The following ARHGAP10 variants were observed in gnomAD, a reference collection of about 807,000 sequenced individuals.
The protein encoded by ARHGAP10 is Rho GTPase activating protein 10, also known as rho GTPase-activating protein 10.
Under a neutral mutation model 108.6 loss-of-function variants are expected in ARHGAP10, and 87 were observed. The observed-to-expected ratio is 0.80, with a 90% CI of 0.67 to 0.96. The LOEUF (loss-of-function observed/expected upper bound fraction) is 0.96, where lower values mean the gene tolerates loss of function less well. ARHGAP10 is among the 40% of genes least tolerant of loss of function. The pLI is 0.00. For missense variants in ARHGAP10, 939 were observed against 954.5 expected (o/e 0.98, Z 0.21); for synonymous variants, 347 against 341.1 (o/e 1.02, Z -0.19).
intron 3 of ARHGAP10, among the ~76,000 whole-genome samples, chr4:147,843,350 A>G (rs998857795): frequency 6.6e-6 from 1 of 151,994 alleles, no homozygotes; most frequent in Non-Finnish European, 1.5e-5. Flanking sequence ...CTCTCTCTCT[A>G]CTGCCCCACC....
chr4:147,881,957 T>G (rs1420360581), intron 10 of ARHGAP10, 25 bp downstream of exon 10: 6 of 1,598,584 alleles, frequency 3.8e-6, no homozygotes, highest in Non-Finnish European at 3.4e-6. Flanking sequence ...TTATTGGACA[T>G]GGTGAAAGAG....
chr4:148,046,813 A>G (rs1476671987), intron 19 of ARHGAP10, 79 bp from the exon 20 acceptor site: 2 of 1,386,954 alleles, frequency 1.4e-6, no homozygotes, highest in Non-Finnish European at 1.0e-6. Context: ...TGACTAATCA[A>G]GTAACACCAT....
chr4:147,990,897 T>C (rs1184797867), intron 18 of ARHGAP10, among the ~76,000 whole-genome samples: 17 of 151,976 alleles, frequency 1.1e-4, no homozygotes, highest in Admixed American at 1.1e-3. Flanking sequence ...ATACCTGTGG[T>C]CCCAGCTACT....
At chr4:148,027,861 A>G (rs369974815) in intron 19 of ARHGAP10, among the ~76,000 whole-genome samples, 71 of 152,268 alleles carry the variant, frequency 4.7e-4, no homozygotes, top group African/African-American at 1.6e-3. Flanking sequence ...TAGATTTTTA[A>G]TTCTAAACGA....
chr4:147,972,716 C>T (rs778718968), intron 18 of ARHGAP10, among the ~76,000 whole-genome samples: 3 of 151,516 alleles, frequency 2.0e-5, no homozygotes, highest in Non-Finnish European at 4.4e-5. Context: ...GATGTGAGCT[C>T]ATGAACCAGT....
chr4:147,823,611 G>A (rs767630953), intron 3 of ARHGAP10, among the ~76,000 whole-genome samples: 3 of 151,840 alleles, frequency 2.0e-5, no homozygotes, highest in African/African-American at 4.8e-5. Flanking sequence ...ACAAAAACTA[G>A]CCAGGCATGG....
At chr4:147,873,238 TG>T (rs1376379390) in intron 7 of ARHGAP10, among the ~76,000 whole-genome samples, 2 of 152,226 alleles carry the variant, frequency 1.3e-5, no homozygotes, top group East Asian at 3.9e-4. Flanking sequence ...AGGAACTGGT[TG>T]AAGAATCAAG....
chr4:148,046,792 T>C, intron 19 of ARHGAP10, 100 bp from the exon 20 acceptor site: 11 of 1,213,224 alleles, frequency 9.1e-6, no homozygotes, highest in Non-Finnish European at 1.3e-5. Flanking sequence ...AATGTAATTT[T>C]ATCATTTGAT....
At chr4:147,926,574 A>G (rs1246250104) in intron 13 of ARHGAP10, among the ~76,000 whole-genome samples, 1 of 152,212 alleles carries the variant, frequency 6.6e-6, no homozygotes, top group Admixed American at 6.5e-5. Flanking sequence ...TGTTATAAGA[A>G]ATAGAATGAA....
intron 3 of ARHGAP10, among the ~76,000 whole-genome samples, chr4:147,834,127 T>A (rs1579096496): frequency 6.6e-6 from 1 of 152,238 alleles, no homozygotes; most frequent in South Asian, 2.1e-4. Context: ...TCTCTTCCTT[T>A]TTCTTTCTAT....
At position 147,939,863 on chromosome 4, in the gene ARHGAP10, A is replaced by C; in HGVS notation, c.1267A>C (p.Ser423Arg). ...AGGATTGTACAGAGTTGTGGGGGTG[A>C]GTTCAAAGGTCCAGAGACTTCTGAG... ...DQGLYRVVGV[S>R]SKVQRLLSML... is the part of the protein sequence containing the mutation. The change falls in exon 14 of 23, where the codon AGT (serine) becomes CGT (arginine). Residue 423 changes from serine to arginine, a missense_variant. Ser to Arg is a moderately radical substitution (Grantham distance 110). Transcript: ENST00000336498. The C allele has an allele frequency of 6.2e-7, 1 of 1,614,056 alleles. No homozygotes were observed. The highest frequency in any genetic ancestry group is 8.5e-7 in the Non-Finnish European group (1 of 1,179,952).
At chr4:147,977,328 C>T (rs528107674) in intron 18 of ARHGAP10, among the ~76,000 whole-genome samples, 2 of 151,860 alleles carry the variant, frequency 1.3e-5, no homozygotes, top group Non-Finnish European at 2.9e-5. Flanking sequence ...AAGGCACCAT[C>T]AGGTGCCTTT....
chr4:148,064,525 C>T lies in ARHGAP10; in HGVS notation c.2272+18C>T. On this transcript the variant is annotated intron_variant, in intron 22 of 22. Coordinates refer to ENST00000336498, the MANE Select transcript of ARHGAP10 (RefSeq NM_024605.4). ...TGAGGATGGTAAGTGTTAGTGGGAG[C>T]TTCGTCTGTTAATCCTGTCCGCAGG... is the stretch of plus-strand genomic sequence containing the variant. The T allele has an allele frequency of 6.2e-7, 1 of 1,602,976 alleles. No homozygotes were observed. The highest frequency in any genetic ancestry group is 8.5e-7 in the Non-Finnish European group (1 of 1,170,008).
intron 18 of ARHGAP10, among the ~76,000 whole-genome samples, chr4:148,018,584 A>G (rs1292980622): frequency 1.3e-5 from 2 of 152,114 alleles, no homozygotes; most frequent in African/African-American, 2.4e-5. Flanking sequence ...AAAAAAAAAA[A>G]AAAGGCTTCA....
At chr4:148,056,983 C>A (rs1729392382) in intron 20 of ARHGAP10, among the ~76,000 whole-genome samples, 1 of 152,190 alleles carries the variant, frequency 6.6e-6, no homozygotes, top group South Asian at 2.1e-4. Context: ...GCCGATGAGT[C>A]ATGACTCTCT....
intron 1 of ARHGAP10, 32 bp downstream of exon 1, chr4:147,732,487 G>A (rs752673170): frequency 1.2e-5 from 19 of 1,605,366 alleles, no homozygotes; most frequent in East Asian, 6.8e-5. Flanking sequence ...GACGGGCTGC[G>A]GCGTGGCGAG....
intron 16 of ARHGAP10, among the ~76,000 whole-genome samples, 173 bp from the exon 17 acceptor site, chr4:147,964,850 AT>A (rs912311978): frequency 7.3e-5 from 11 of 151,516 alleles, no homozygotes; most frequent in African/African-American, 2.4e-4. Flanking sequence ...AAGGAGAAAG[AT>A]TTTTTTTTCC....
chr4:147,918,752 G>A (rs1737100363), intron 13 of ARHGAP10, among the ~76,000 whole-genome samples: 1 of 152,196 alleles, frequency 6.6e-6, no homozygotes, highest in Non-Finnish European at 1.5e-5. Context: ...AGCTATGATT[G>A]AGTGAGAAAA....
intron 16 of ARHGAP10, among the ~76,000 whole-genome samples, chr4:147,964,075 C>A (rs1739107701): frequency 6.6e-6 from 1 of 152,242 alleles, no homozygotes; most frequent in African/African-American, 2.4e-5. Context: ...CCCGAGGAAA[C>A]TGCCCCTCCC....
Sources: allele counts gnomAD v4.1 joint callset (sites outside exome capture counted in the v4.1 genomes callset), GRCh38; gene constraint gnomAD v4.1.1; transcripts MANE v1.5; gene names NCBI Gene and HGNC (gene_info 2026-07-23, HGNC 2026-07-21).